PTPRG: variants seen among roughly 807,000 people sequenced by gnomAD.
PTPRG encodes the protein protein tyrosine phosphatase receptor type G.
In PTPRG, 102 loss-of-function variants were observed where a neutral mutation model predicts 165.3. The ratio of observed to expected loss-of-function variants is 0.62; its 90% CI spans 0.53 to 0.73. PTPRG has a LOEUF of 0.73. Among genes scored for constraint, PTPRG ranks in the 30% least tolerant of loss-of-function variants. The pLI, the probability that PTPRG is intolerant of heterozygous loss-of-function variation, is 0.00. For synonymous variants in PTPRG, 675 were observed against 669.5 expected, an observed-to-expected ratio of 1.01 and a Z score of -0.13; for missense variants, 1,866 against 1,861.4, an observed-to-expected ratio of 1.00 and a Z score of -0.05.
At chr3:61,660,782 C>A (rs538263217) in intron 1 of PTPRG, among the ~76,000 whole-genome samples, 1 of 152,210 alleles carries the variant, frequency 6.6e-6, no homozygotes, top group East Asian at 1.9e-4. Context: ...TGGGCTGATA[C>A]CTGAGGTCGG....
At chr3:61,729,078 A>T (rs2032384764) in intron 1 of PTPRG, among the ~76,000 whole-genome samples, 1 of 151,550 alleles carries the variant, frequency 6.6e-6, no homozygotes, top group African/African-American at 2.4e-5. Context: ...ACAAACAAAC[A>T]AACAAACAAA....
chr3:61,745,372 A>T (rs2033158242), intron 1 of PTPRG, among the ~76,000 whole-genome samples: 1 of 152,112 alleles, frequency 6.6e-6, no homozygotes, highest in African/African-American at 2.4e-5. Flanking sequence ...TGATGAACAC[A>T]CACCATGCGC....
At chr3:62,235,184 T>C (rs1701001356) in intron 14 of PTPRG, among the ~76,000 whole-genome samples, 1 of 152,216 alleles carries the variant, frequency 6.6e-6, no homozygotes, top group African/African-American at 2.4e-5. Context: ...CAAAATGAGT[T>C]GGACTATCAC....
intron 4 of PTPRG, among the ~76,000 whole-genome samples, chr3:62,006,137 T>G (rs1296065738): frequency 2.6e-5 from 4 of 152,126 alleles, no homozygotes; most frequent in Non-Finnish European, 2.9e-5. Context: ...TTGACCAGGT[T>G]GTTTGGATGT....
intron 2 of PTPRG, among the ~76,000 whole-genome samples, chr3:61,763,383 G>A (rs13096560): frequency 0.66 from 99,804 of 151,114 alleles, 34,467 homozygotes; most frequent in Non-Finnish European, 0.78. Context: ...GATTACAGGC[G>A]CGCACCACTA....
chr3:61,843,974 T>C (rs901194888), intron 2 of PTPRG, among the ~76,000 whole-genome samples: 1 of 151,280 alleles, frequency 6.6e-6, no homozygotes, highest in Non-Finnish European at 1.5e-5. Context: ...CTTTTTTTTT[T>C]TTTTTTTGAA....
At chr3:61,794,696 G>T (rs538681225) in intron 2 of PTPRG, among the ~76,000 whole-genome samples, 2 of 152,314 alleles carry the variant, frequency 1.3e-5, no homozygotes, top group African/African-American at 2.4e-5. Flanking sequence ...TACAGGTTGT[G>T]TATTCTGAAA....
At chr3:61,790,341 A>G (rs555952601) in intron 2 of PTPRG, among the ~76,000 whole-genome samples, 111 of 152,294 alleles carry the variant, frequency 7.3e-4, no homozygotes, top group African/African-American at 2.6e-3. Context: ...CGGGAACACC[A>G]TCTTGTCTTC....
At chr3:61,900,848 C>G (rs997594170) in intron 2 of PTPRG, among the ~76,000 whole-genome samples, 1 of 152,086 alleles carries the variant, frequency 6.6e-6, no homozygotes, top group Admixed American at 6.5e-5. Flanking sequence ...GGAGTGTCAC[C>G]AGCCAGGTAA....
chr3:61,961,681 C>T (rs1193693166), intron 2 of PTPRG, among the ~76,000 whole-genome samples: 4 of 152,192 alleles, frequency 2.6e-5, no homozygotes, highest in African/African-American at 7.2e-5. Flanking sequence ...CTACATTGCT[C>T]AGTCTCAACC....
chr3:61,656,861 G>T (rs1271122402), intron 1 of PTPRG, among the ~76,000 whole-genome samples: 1 of 152,132 alleles, frequency 6.6e-6, no homozygotes, highest in Non-Finnish European at 1.5e-5. Flanking sequence ...CATATGCCGG[G>T]CCCCTTTGTT....
Position 61,565,220 on chromosome 3 carries a change from CTT to C in PTPRG, c.85+2850_85+2851del, listed in dbSNP as rs983978343. On this transcript the variant is annotated intron_variant, in intron 1 of 29. Coordinates refer to ENST00000474889, the MANE Select transcript of PTPRG (RefSeq NM_002841.4). Reference sequence around the variant, plus strand: ...TGGATTGGAAACAGTGGATTTTAGTCTTTGAACAGCAGTGTGGCAGGTTTGGG... The same window carrying C: ...TGGATTGGAAACAGTGGATTTTAGTCTGAACAGCAGTGTGGCAGGTTTGGG... 1.3e-4 allele frequency among the ~76,000 whole-genome samples: 20 copies of C among 152,208 alleles called. No homozygotes were observed. In the East Asian group the frequency reaches 3.9e-3, roughly 29 times the overall value.
intron 2 of PTPRG, among the ~76,000 whole-genome samples, chr3:61,849,110 A>G (rs2036887859): frequency 6.6e-6 from 1 of 152,116 alleles, no homozygotes; most frequent in African/African-American, 2.4e-5. Context: ...AGTGGGAAAC[A>G]CTCCAAGTAT....
chr3:61,671,570 T>G lies in PTPRG; in HGVS notation c.86-77308T>G, dbSNP rs1303853926. On this transcript the variant is annotated intron_variant, in intron 1 of 29. Transcript: ENST00000474889. ...ACACAGACACGGCAACCATCCGATT[T>G]CTCAATCTTTTCCCCACCTTTCCCC... 1.9e-3 allele frequency among the ~76,000 whole-genome samples: 276 copies of G among 148,030 alleles called. 1 individual carries two copies. Among genetic ancestry groups the G allele is most frequent in the African/African-American group, 6.5e-3 (262 of 40,014 alleles).
At chr3:62,072,022 C>A (rs577738072) in intron 4 of PTPRG, among the ~76,000 whole-genome samples, 1 of 152,272 alleles carries the variant, frequency 6.6e-6, no homozygotes, top group Admixed American at 6.5e-5. Context: ...GACAGTGACA[C>A]ATGTAGGAAA....
rs187568366 is a variant in PTPRG at position 61,989,653 on chromosome 3, G to A, written c.219G>A (p.Thr73=). The A allele has an allele frequency of 3.0e-5, 49 of 1,614,060 alleles. 1 individual carries two copies. The highest frequency in any genetic ancestry group is 1.6e-4 in the East Asian group (7 of 44,872). The part of the protein sequence containing the change: ...SGAYGPEHWV[T]SSVSCGGRHQ... ...CCTATGGTCCTGAGCACTGGGTCAC[G>A]TCTAGTGTCAGCTGTGGGGGCCGTC... Residue 73 remains threonine, a synonymous_variant, in exon 3 of 30, where the codon ACG becomes ACA. Coordinates refer to ENST00000474889, the MANE Select transcript of PTPRG (RefSeq NM_002841.4).
chr3:62,113,547 A>G (rs1559521859), intron 5 of PTPRG, among the ~76,000 whole-genome samples: 1 of 152,222 alleles, frequency 6.6e-6, no homozygotes, highest in Non-Finnish European at 1.5e-5. Flanking sequence ...CAATATATCA[A>G]CATTTGAATA....
At chr3:61,600,360 G>A (rs1700829457) in intron 1 of PTPRG, among the ~76,000 whole-genome samples, 1 of 151,874 alleles carries the variant, frequency 6.6e-6, no homozygotes, top group Admixed American at 6.6e-5. Context: ...AAGCTCAGTG[G>A]GCAGCCAATG....
intron 2 of PTPRG, among the ~76,000 whole-genome samples, chr3:61,951,785 TC>T (rs2039904900): frequency 6.6e-6 from 1 of 152,194 alleles, no homozygotes; most frequent in African/African-American, 2.4e-5. Context: ...AGTGCTCTTT[TC>T]TGACTGGTAT....
Sources: allele counts gnomAD v4.1 joint callset (sites outside exome capture counted in the v4.1 genomes callset), GRCh38; gene constraint gnomAD v4.1.1; transcripts MANE v1.5; gene names NCBI Gene and HGNC (gene_info 2026-07-23, HGNC 2026-07-21).